Variants in PHKB observed in about 807,000 individuals in gnomAD.
The protein encoded by PHKB is phosphorylase kinase regulatory subunit beta.
Under a neutral mutation model 152.1 loss-of-function variants are expected in PHKB, and 122 were observed. The observed-to-expected ratio is 0.80, with a 90% confidence interval of 0.69 to 0.93. PHKB has a LOEUF of 0.93. Among genes scored for constraint, PHKB ranks in the 40% least tolerant of loss-of-function variants. PHKB has a pLI of 0.00. For synonymous variants in PHKB, 436 were observed against 464.9 expected, an observed-to-expected ratio of 0.94 and a Z score of 0.80; for missense variants, 1,304 against 1,328.4, an observed-to-expected ratio of 0.98 and a Z score of 0.29.
At chr16:47,660,403 AT>A (rs1363384044) in intron 20 of PHKB, 102 bp from the exon 21 acceptor site, 4 of 898,234 alleles carry the variant, frequency 4.5e-6, no homozygotes, top group African/African-American at 1.7e-5. Flanking sequence ...TTTTTAAGCA[AT>A]TTTTTGAAGT....
intron 5 of PHKB, among the ~76,000 whole-genome samples, chr16:47,513,997 A>G (rs1970553467): frequency 6.6e-6 from 1 of 152,212 alleles, no homozygotes; most frequent in African/African-American, 2.4e-5. Context: ...TTAGGTTGCA[A>G]AAAGAAACTT....
chr16:47,536,112 C>T (rs1019314815), intron 6 of PHKB, among the ~76,000 whole-genome samples: 4 of 152,092 alleles, frequency 2.6e-5, no homozygotes, highest in South Asian at 2.1e-4. Context: ...AGTGCAGTGG[C>T]GCGATCTCGG....
intron 1 of PHKB, chr16:47,464,108 G>A (rs1969625213): frequency 1.3e-6 from 1 of 766,400 alleles, no homozygotes; most frequent in Non-Finnish European, 2.3e-6. Context: ...GGTGGGCCCA[G>A]GCCTGAGTAC....
intron 26 of PHKB, among the ~76,000 whole-genome samples, chr16:47,685,246 G>A (rs1050705063): frequency 4.6e-5 from 7 of 152,072 alleles, no homozygotes; most frequent in African/African-American, 1.2e-4. Flanking sequence ...CCAACATGGC[G>A]AAACTTCATC....
At chr16:47,699,200 A>T (rs1974206500) in intron 30 of PHKB, 29 bp from the exon 31 acceptor site, 2 of 1,611,994 alleles carry the variant, frequency 1.2e-6, no homozygotes, top group Non-Finnish European at 1.7e-6. Flanking sequence ...CAGAAGATCG[A>T]ATGCCTTGCC....
At chr16:47,687,283 T>A (rs1973981343) in intron 26 of PHKB, among the ~76,000 whole-genome samples, 1 of 152,194 alleles carries the variant, frequency 6.6e-6, no homozygotes, top group Admixed American at 6.5e-5. Context: ...CACTGAGTAG[T>A]TTATTGTAAC....
At chr16:47,566,922 C>G in intron 7 of PHKB, 1 of 591,690 alleles carries the variant, frequency 1.7e-6, no homozygotes, top group Non-Finnish European at 3.1e-6. Context: ...ACACTGGAAA[C>G]TGGTATTGTT....
At chr16:47,473,258 A>G (rs1409140381) in intron 1 of PHKB, among the ~76,000 whole-genome samples, 3 of 48,278 alleles carry the variant, frequency 6.2e-5, no homozygotes, top group South Asian at 1.9e-3. Context: ...TTTTTATTGT[A>G]GAGACAAGTC....
At chr16:47,679,937 C>T (rs899258145) in intron 26 of PHKB, among the ~76,000 whole-genome samples, 21 of 152,244 alleles carry the variant, frequency 1.4e-4, no homozygotes, top group African/African-American at 4.8e-4. Context: ...TTTTGAGATA[C>T]GTCTCATCAA....
intron 1 of PHKB, among the ~76,000 whole-genome samples, chr16:47,482,643 C>T (rs1332555568): frequency 2.0e-5 from 3 of 152,130 alleles, no homozygotes; most frequent in Admixed American, 1.3e-4. Context: ...TACTTCTGTA[C>T]GACTTGCGTA....
intron 27 of PHKB, among the ~76,000 whole-genome samples, chr16:47,690,918 G>C (rs1040929930): frequency 1.3e-5 from 2 of 152,122 alleles, no homozygotes; most frequent in Admixed American, 1.3e-4. Flanking sequence ...CTGATATGAT[G>C]CATTGAAAAG....
chr16:47,579,628 T>C (rs1971808667), intron 7 of PHKB, among the ~76,000 whole-genome samples: 1 of 152,172 alleles, frequency 6.6e-6, no homozygotes. Flanking sequence ...AAAGATGATA[T>C]CATATTTTTA....
intron 6 of PHKB, among the ~76,000 whole-genome samples, chr16:47,545,909 C>T (rs139552111): frequency 0.054 from 8,157 of 152,210 alleles, 311 homozygotes; most frequent in Non-Finnish European, 0.078. Context: ...GCATGTGTCA[C>T]GTAGTTCTTG....
chr16:47,496,507 A>G (rs1217620630), intron 1 of PHKB, among the ~76,000 whole-genome samples: 1 of 152,136 alleles, frequency 6.6e-6, no homozygotes, highest in African/African-American at 2.4e-5. Context: ...TAGGTAAATT[A>G]TAGGTTCATT....
chr16:47,519,666 GCC>G (rs1444691352), intron 6 of PHKB, among the ~76,000 whole-genome samples: 1 of 152,178 alleles, frequency 6.6e-6, no homozygotes, highest in Non-Finnish European at 1.5e-5. Flanking sequence ...TTATGACCTA[GCC>G]TCAGAAGTCA....
chr16:47,588,892 T>G lies in PHKB; in HGVS notation c.871-13T>G. ...TGTGGACACTCACAGTCTCTCTTTCTCATTGCCTCCAGAATACAGATGCTG... is the reference window on the plus strand; with the variant it reads ...TGTGGACACTCACAGTCTCTCTTTCGCATTGCCTCCAGAATACAGATGCTG... On this transcript the variant is annotated splice_polypyrimidine_tract_variant and intron_variant, in intron 9 of 30. Transcript: ENST00000323584. The G allele has an allele frequency of 6.2e-7, 1 of 1,610,830 alleles. No individual in the cohort carries two copies. The highest frequency in any genetic ancestry group is 8.5e-7 in the Non-Finnish European group (1 of 1,177,200).
chr16:47,606,271 AG>A (rs1303853590), intron 13 of PHKB, among the ~76,000 whole-genome samples: 1 of 152,244 alleles, frequency 6.6e-6, no homozygotes, highest in African/African-American at 2.4e-5. Context: ...ATAGAAATCT[AG>A]TATAGAAATA....
At chr16:47,697,398 T>C (rs1344167076) in intron 29 of PHKB, among the ~76,000 whole-genome samples, 4 of 152,206 alleles carry the variant, frequency 2.6e-5, no homozygotes, top group African/African-American at 9.7e-5. Flanking sequence ...GACGGGGTTA[T>C]TAGGCAGGTG....
At chr16:47,479,719 G>C (rs1469398643) in intron 1 of PHKB, among the ~76,000 whole-genome samples, 1 of 152,076 alleles carries the variant, frequency 6.6e-6, no homozygotes, top group Non-Finnish European at 1.5e-5. Flanking sequence ...CAGATCTTGG[G>C]CTCTGAATTA....
Sources: allele counts gnomAD v4.1 joint callset (sites outside exome capture counted in the v4.1 genomes callset), GRCh38; gene constraint gnomAD v4.1.1; transcripts MANE v1.5; gene names NCBI Gene and HGNC (gene_info 2026-07-23, HGNC 2026-07-21).